Variants in FRMD5 observed in about 807,000 individuals in gnomAD.
FRMD5 encodes the protein FERM domain containing 5.
In FRMD5, 20 loss-of-function variants were observed where a neutral mutation model predicts 69.0. The ratio of observed to expected loss-of-function variants is 0.29; its 90% confidence interval spans 0.20 to 0.42. FRMD5 has a LOEUF of 0.42. FRMD5 is among the 10% of genes least tolerant of loss of function. The pLI is 1.00. For synonymous variants in FRMD5, 271 were observed against 260.1 expected (o/e 1.04, Z -0.40); for missense variants, 595 against 708.6 (o/e 0.84, Z 1.82).
intron 1 of FRMD5, among the ~76,000 whole-genome samples, chr15:44,127,128 G>A (rs2077034329): frequency 6.6e-6 from 1 of 152,168 alleles, no homozygotes; most frequent in Non-Finnish European, 1.5e-5. Flanking sequence ...TGTCGCCCAG[G>A]CTTGAGTGCA....
chr15:44,015,138 CTTTTTT>C (rs768779001), intron 1 of FRMD5, among the ~76,000 whole-genome samples: 1 of 144,092 alleles, frequency 6.9e-6, no homozygotes, highest in Non-Finnish European at 1.5e-5. Context: ...CTTACTGAAA[CTTTTTT>C]TTTTTTTTCA....
At chr15:43,980,785 G>T (rs777465596) in intron 1 of FRMD5, among the ~76,000 whole-genome samples, 5 of 152,010 alleles carry the variant, frequency 3.3e-5, no homozygotes, top group African/African-American at 9.7e-5. Context: ...GTTAAAGCTG[G>T]GCTTATTTTG....
At chr15:44,152,075 T>G (rs1302246460) in intron 1 of FRMD5, among the ~76,000 whole-genome samples, 3 of 152,146 alleles carry the variant, frequency 2.0e-5, no homozygotes, top group Non-Finnish European at 4.4e-5. Context: ...CCAGGTGTCC[T>G]GGCGCATGCC....
upstream of FRMD5, chr15:44,195,293 C>A (rs2078273694): frequency 4.1e-6 from 2 of 487,590 alleles, no homozygotes; most frequent in Non-Finnish European, 7.2e-6. Flanking sequence ...GCCCCAGTGC[C>A]CGTGCCCAGC....
At chr15:43,976,796 A>G (rs1404941145) in intron 1 of FRMD5, among the ~76,000 whole-genome samples, 1 of 151,534 alleles carries the variant, frequency 6.6e-6, no homozygotes, top group African/African-American at 2.4e-5. Context: ...TCTCCCAAGT[A>G]GCTGGGATTA....
chr15:43,951,980 T>TTGTGTG (rs1174993374), intron 1 of FRMD5, among the ~76,000 whole-genome samples: 11 of 107,734 alleles, frequency 1.0e-4, no homozygotes, highest in African/African-American at 7.0e-4. Context: ...TGTGTGTGTG[T>TTGTGTG]TGTGTGTGTG....
At chr15:44,086,375 A>AGTT (rs1486484039) in intron 1 of FRMD5, among the ~76,000 whole-genome samples, 1 of 152,278 alleles carries the variant, frequency 6.6e-6, no homozygotes, top group African/African-American at 2.4e-5. Flanking sequence ...AATATTATTC[A>AGTT]GTTGTAAAAA....
intron 1 of FRMD5, among the ~76,000 whole-genome samples, chr15:43,979,645 T>C (rs1352731010): frequency 6.6e-6 from 1 of 152,236 alleles, no homozygotes; most frequent in African/African-American, 2.4e-5. Context: ...CACAAAACTA[T>C]TGGATGATTT....
intron 1 of FRMD5, among the ~76,000 whole-genome samples, chr15:43,998,802 T>A (rs530352222): frequency 6.6e-6 from 1 of 152,324 alleles, no homozygotes; most frequent in East Asian, 1.9e-4. Context: ...CAGTATGATT[T>A]GAATGAAAGA....
chr15:43,961,073 A>G (rs2090191217), intron 1 of FRMD5, among the ~76,000 whole-genome samples: 1 of 142,668 alleles, frequency 7.0e-6, no homozygotes, highest in South Asian at 2.1e-4. Flanking sequence ...TGAAGGAAAT[A>G]GAGACACAAA....
intron 10 of FRMD5, among the ~76,000 whole-genome samples, chr15:43,886,323 G>C (rs1425530344): frequency 2.0e-5 from 3 of 152,336 alleles, no homozygotes. Context: ...CATGACCACA[G>C]TAAAGACAGA....
intron 1 of FRMD5, among the ~76,000 whole-genome samples, chr15:43,979,557 T>C (rs895008217): frequency 3.9e-5 from 6 of 152,126 alleles, no homozygotes; most frequent in Non-Finnish European, 8.8e-5. Context: ...TCCTCATGAA[T>C]TGGATGAGGG....
chr15:44,083,837 A>G (rs574578570), intron 1 of FRMD5, among the ~76,000 whole-genome samples: 35 of 152,160 alleles, frequency 2.3e-4, no homozygotes, highest in Non-Finnish European at 4.1e-4. Flanking sequence ...ATTCAGTTCA[A>G]TATCTTCTTT....
chr15:44,029,893 T>C (rs926710064), intron 1 of FRMD5, among the ~76,000 whole-genome samples: 2 of 152,236 alleles, frequency 1.3e-5, no homozygotes, highest in African/African-American at 2.4e-5. Context: ...ACATCATCAG[T>C]AAACACTGAA....
intron 1 of FRMD5, among the ~76,000 whole-genome samples, chr15:44,059,117 A>C (rs1892989045): frequency 6.6e-6 from 1 of 152,234 alleles, no homozygotes; most frequent in South Asian, 2.1e-4. Flanking sequence ...CTCAACTAGC[A>C]TCAATCACAA....
chr15:43,952,260 G>A (rs1236618085), intron 1 of FRMD5, among the ~76,000 whole-genome samples: 1 of 152,098 alleles, frequency 6.6e-6, no homozygotes, highest in Non-Finnish European at 1.5e-5. Context: ...CATTCTATCA[G>A]GGAGCTGGAG....
chr15:44,191,922 T>TATATA (rs1279440991), intron 1 of FRMD5, among the ~76,000 whole-genome samples: 470 of 8,866 alleles, frequency 0.053, 27 homozygotes, highest in East Asian at 0.093. Context: ...TATATATATA[T>TATATA]TATATATATA....
At chr15:44,162,968 A>G (rs2077647078) in intron 1 of FRMD5, among the ~76,000 whole-genome samples, 1 of 151,556 alleles carries the variant, frequency 6.6e-6, no homozygotes, top group Admixed American at 6.6e-5. Context: ...AGATCAGGAG[A>G]TCGAGACCAT....
At chr15:43,907,378 CTT>C (rs921991709) in intron 5 of FRMD5, among the ~76,000 whole-genome samples, 5 of 152,126 alleles carry the variant, frequency 3.3e-5, no homozygotes, top group African/African-American at 1.2e-4. Context: ...GCCTTGCAGT[CTT>C]TTTTCTTTTG....
Sources: gnomAD v4.1 joint callset for allele counts (sites outside exome capture counted in the v4.1 genomes callset) on GRCh38, gnomAD v4.1.1 for gene constraint, MANE v1.5 for transcripts, NCBI Gene and HGNC (gene_info 2026-07-23, HGNC 2026-07-21) for gene names.